The following RBFOX1 variants were observed in gnomAD, a reference collection of about 807,000 sequenced individuals.
RBFOX1 encodes the protein RNA binding fox-1 homolog 1, also known as RNA binding protein fox-1 homolog 1.
RBFOX1 carries 8 observed loss-of-function variants against 57.7 expected under a neutral mutation model. That is an observed-to-expected ratio of 0.14 (90% CI 0.08 to 0.25). The LOEUF is 0.25. Among genes scored for constraint, RBFOX1 ranks in the 10% least tolerant of loss-of-function variants. RBFOX1 has a pLI of 1.00. For missense variants in RBFOX1, 611 were observed against 548.5 expected, an observed-to-expected ratio of 1.11 and a Z score of -1.14; for synonymous variants, 326 against 222.4, an observed-to-expected ratio of 1.47 and a Z score of -4.15.
chr16:6,403,413 G>T (rs575887912), intron 2 of RBFOX1, among the ~76,000 whole-genome samples: 151 of 151,944 alleles, frequency 9.9e-4, no homozygotes, highest in African/African-American at 3.4e-3. Flanking sequence ...ATCCAGGCAG[G>T]AGTGCAGTGG....
chr16:5,893,782 G>T (rs1372148217), intron 4 of RBFOX1, among the ~76,000 whole-genome samples: 2 of 150,992 alleles, frequency 1.3e-5, no homozygotes, highest in African/African-American at 4.9e-5. Context: ...CTCCAGCCTG[G>T]GTGACAGAGC....
At chr16:7,076,381 C>A (rs961560683) in intron 4 of RBFOX1, among the ~76,000 whole-genome samples, 4 of 151,890 alleles carry the variant, frequency 2.6e-5, no homozygotes, top group African/African-American at 9.7e-5. Flanking sequence ...ATTTATTTTA[C>A]CCGAGTCTTT....
intron 2 of RBFOX1, among the ~76,000 whole-genome samples, chr16:6,625,221 C>T (rs556071705): frequency 6.7e-6 from 1 of 149,170 alleles, no homozygotes; most frequent in South Asian, 2.1e-4. Context: ...TGGCACACCC[C>T]CAAAACAATT....
intron 1 of RBFOX1, among the ~76,000 whole-genome samples, chr16:6,082,971 G>A (rs2096027635): frequency 6.6e-6 from 1 of 151,208 alleles, no homozygotes; most frequent in South Asian, 2.1e-4. Flanking sequence ...GGGGAAGACT[G>A]ATCCATCAGC....
rs976721157 is a variant in RBFOX1 at position 5,525,359 on chromosome 16, T to G, written c.258+58105T>G. Among the ~76,000 whole-genome samples the G allele has an allele frequency of 5.3e-5, 8 of 152,166 alleles. No individual in the cohort carries two copies. The East Asian group carries it at 1.5e-3, about 29-fold the overall frequency. On this transcript the variant is annotated intron_variant, in intron 2 of 2. Transcript: ENST00000585867. ...TGTTTTATACAACAGCTCTGTGAGC[T>G]GGGTTGTTTTATTACTCTGACTTTA... is the stretch of plus-strand genomic sequence containing the variant.
At chr16:5,565,374 C>T (rs149075033) in intron 2 of RBFOX1, among the ~76,000 whole-genome samples, 1 of 152,070 alleles carries the variant, frequency 6.6e-6, no homozygotes, top group East Asian at 1.9e-4. Flanking sequence ...TCCTGTAATC[C>T]CATCATTTTG....
chr16:5,547,018 A>G (rs930574809), intron 2 of RBFOX1, among the ~76,000 whole-genome samples: 3 of 152,208 alleles, frequency 2.0e-5, no homozygotes, highest in Non-Finnish European at 4.4e-5. Context: ...ATCATTAATC[A>G]TTAGGGAAAT....
At chr16:5,826,318 A>C (rs1385635388) in intron 3 of RBFOX1, among the ~76,000 whole-genome samples, 1 of 152,174 alleles carries the variant, frequency 6.6e-6, no homozygotes, top group Non-Finnish European at 1.5e-5. Context: ...AGCAAACCAC[A>C]GTTGTATTAG....
At chr16:5,431,871 T>C (rs2067747995) in intron 1 of RBFOX1, among the ~76,000 whole-genome samples, 1 of 152,090 alleles carries the variant, frequency 6.6e-6, no homozygotes. Flanking sequence ...TTCCAGAGCT[T>C]CCTTCACGGA....
chr16:6,689,085 C>A (rs1320673027), intron 3 of RBFOX1, among the ~76,000 whole-genome samples: 5 of 152,162 alleles, frequency 3.3e-5, no homozygotes. Flanking sequence ...ATGAACAGTG[C>A]TGCAATAAAC....
At chr16:7,018,483 G>A (rs553897317) in intron 3 of RBFOX1, among the ~76,000 whole-genome samples, 98 of 152,262 alleles carry the variant, frequency 6.4e-4, no homozygotes, top group African/African-American at 2.3e-3. Flanking sequence ...ATCATTGATG[G>A]ACATTTGGAT....
chr16:6,892,855 C>G (rs563591769), intron 3 of RBFOX1, among the ~76,000 whole-genome samples: 8 of 148,200 alleles, frequency 5.4e-5, no homozygotes, highest in African/African-American at 1.5e-4. Context: ...TCTGTGCCCC[C>G]CTCCCCTGTC....
At chr16:6,751,685 A>C (rs1234969288) in intron 3 of RBFOX1, among the ~76,000 whole-genome samples, 2 of 152,188 alleles carry the variant, frequency 1.3e-5, no homozygotes, top group African/African-American at 4.8e-5. Context: ...GGTTATCATC[A>C]GCTTGCTGCT....
chr16:5,652,723 G>A (rs560177129), intron 3 of RBFOX1, among the ~76,000 whole-genome samples: 1 of 152,258 alleles, frequency 6.6e-6, no homozygotes, highest in African/African-American at 2.4e-5. Flanking sequence ...AGGCACAGTG[G>A]GAAGAACAAA....
At chr16:7,378,583 A>G (rs952867462) in intron 4 of RBFOX1, among the ~76,000 whole-genome samples, 4 of 152,330 alleles carry the variant, frequency 2.6e-5, no homozygotes, top group South Asian at 2.1e-4. Context: ...AATCTGGGAC[A>G]TGGTGGTGGG....
chr16:5,247,281 G>T (rs1011572549), intron 1 of RBFOX1, among the ~76,000 whole-genome samples: 2 of 152,202 alleles, frequency 1.3e-5, no homozygotes, highest in African/African-American at 4.8e-5. Flanking sequence ...ACTGTGGTTT[G>T]TGGGACTCCA....
intron 1 of RBFOX1, among the ~76,000 whole-genome samples, chr16:5,356,244 A>T (rs556931645): frequency 1.3e-5 from 2 of 152,228 alleles, no homozygotes; most frequent in Admixed American, 1.3e-4. Context: ...CATGGAATGG[A>T]TGCTCCCTCA....
In RBFOX1 at chr16:6,020,005, G is replaced by C. The variant is rs558321618; in HGVS notation, c.-127+13G>C. Reference sequence around the variant, plus strand: ...CCGGGAGTTCTAGGTAAGTCCAGGCGGAGTCATTGCCTCTGCACCCACCCT... The same window carrying C: ...CCGGGAGTTCTAGGTAAGTCCAGGCCGAGTCATTGCCTCTGCACCCACCCT... On this transcript the variant is annotated intron_variant, in intron 1 of 15. Transcript: ENST00000550418. The C allele has an allele frequency of 5.7e-5, 86 of 1,514,302 alleles. 2 individuals are homozygous for C. In the Admixed American group the frequency reaches 1.2e-3, roughly 22 times the overall value. The allele number at this position is 1,514,302 out of a possible 1,614,324, so 93.8% of individuals were successfully genotyped here. A position where few individuals can be genotyped will look rare whatever the true frequency, so the allele number is the denominator to read the frequency against.
intron 3 of RBFOX1, among the ~76,000 whole-genome samples, chr16:6,805,314 CACTT>C (rs764895115): frequency 5.3e-5 from 8 of 152,170 alleles, no homozygotes; most frequent in South Asian, 2.1e-4. Context: ...TGCATGTTCT[CACTT>C]ACAAGTGGGA....
Sources: gnomAD v4.1 joint callset for allele counts (sites outside exome capture counted in the v4.1 genomes callset) on GRCh38, gnomAD v4.1.1 for gene constraint, MANE v1.5 for transcripts, NCBI Gene and HGNC (gene_info 2026-07-23, HGNC 2026-07-21) for gene names.